The following KCNMA1 variants were observed in gnomAD, a reference collection of about 807,000 sequenced individuals.
KCNMA1 encodes potassium calcium-activated channel subfamily M alpha 1.
Under a neutral mutation model 140.0 loss-of-function variants are expected in KCNMA1, and 29 were observed. That is an observed-to-expected ratio of 0.21 (90% CI 0.15 to 0.28). The LOEUF (loss-of-function observed/expected upper bound fraction) is 0.28. Among genes scored for constraint, KCNMA1 ranks in the 10% least tolerant of loss-of-function variants. The pLI is 1.00. For missense variants in KCNMA1, 880 were observed against 1,602.2 expected (o/e 0.55, Z 7.70); for synonymous variants, 612 against 611.9 (o/e 1.00, Z 0.00).
chr10:77,363,756 CCCGTCTTTGT>C (rs1211836109), intron 2 of KCNMA1, among the ~76,000 whole-genome samples: 1 of 152,126 alleles, frequency 6.6e-6, no homozygotes, highest in Non-Finnish European at 1.5e-5. Flanking sequence ...TACACTCCTC[CCCGTCTTTGT>C]CCAGTTAATT....
At chr10:76,879,222 A>G (rs905192781) in intron 29 of KCNMA1, among the ~76,000 whole-genome samples, 24 of 152,098 alleles carry the variant, frequency 1.6e-4, no homozygotes, top group Non-Finnish European at 3.2e-4. Context: ...TGAGCTGTCA[A>G]TGTCGAGGAG....
At chr10:77,287,375 C>G (rs1351088692) in intron 2 of KCNMA1, among the ~76,000 whole-genome samples, 1 of 152,198 alleles carries the variant, frequency 6.6e-6, no homozygotes, top group African/African-American at 2.4e-5. Flanking sequence ...GACTATCTAC[C>G]TACACAAAGA....
rs545169803 is a variant in KCNMA1 at position 77,417,768 on chromosome 10, G to A, written c.379-13745C>T. ...CTGAACTTGGATGGGGCTTGGCTTC[G>A]GGTCAAAAGAGCTGTCCCAATTAGG... On this transcript the variant is annotated intron_variant, in intron 1 of 27. Transcript: ENST00000286628. 4.6e-5 allele frequency among the ~76,000 whole-genome samples: 7 copies of A among 152,178 alleles called. No individual in the cohort carries two copies. The South Asian group carries it at 1.0e-3, about 23-fold the overall frequency.
intron 3 of KCNMA1, chr10:77,217,492 G>A (rs758294921): frequency 4.4e-6 from 2 of 456,608 alleles, no homozygotes; most frequent in South Asian, 3.1e-5. Flanking sequence ...CATTTCTGGA[G>A]AATATTCTTG....
At chr10:76,999,476 G>T (rs2085476455) in intron 19 of KCNMA1, among the ~76,000 whole-genome samples, 1 of 152,184 alleles carries the variant, frequency 6.6e-6, no homozygotes, top group African/African-American at 2.4e-5. Context: ...ACCACCATCA[G>T]TCAAAGAGAT....
intron 5 of KCNMA1, among the ~76,000 whole-genome samples, chr10:77,140,932 G>T (rs1005046538): frequency 7.2e-5 from 11 of 152,172 alleles, no homozygotes; most frequent in African/African-American, 2.4e-4. Context: ...AATAGAGTGT[G>T]AGAGAGGCTG....
At chr10:77,372,627 G>T (rs2094818748) in intron 2 of KCNMA1, among the ~76,000 whole-genome samples, 1 of 152,204 alleles carries the variant, frequency 6.6e-6, no homozygotes, top group South Asian at 2.1e-4. Context: ...TGGATGCCAA[G>T]GTCTTCCGGA....
At position 76,887,135 on chromosome 10, in the gene KCNMA1, A is replaced by T; in HGVS notation, c.*131T>A. On this transcript the variant is annotated 3_prime_UTR_variant, in exon 28 of 28. Transcript: ENST00000286628. ...ATGACAACCACATGCACACTATCAT[A>T]CATATGCAAATATGTGTAAAAAAAA... 1 of 1,603,766 alleles carries T rather than the reference A, an allele frequency of 6.2e-7. No homozygotes were observed. The highest frequency in any genetic ancestry group is 8.5e-7 in the Non-Finnish European group (1 of 1,178,308).
At chr10:77,285,506 G>A (rs1361369985) in intron 2 of KCNMA1, among the ~76,000 whole-genome samples, 1 of 152,166 alleles carries the variant, frequency 6.6e-6, no homozygotes, top group East Asian at 1.9e-4. Context: ...CACTGAAACA[G>A]GTGAAAATTA....
chr10:77,603,715 A>G (rs1016822874), intron 1 of KCNMA1, among the ~76,000 whole-genome samples: 5 of 152,080 alleles, frequency 3.3e-5, no homozygotes, highest in Non-Finnish European at 5.9e-5. Context: ...CCCACACCCC[A>G]CAACCCAGCC....
intron 5 of KCNMA1, chr10:77,140,631 T>C (rs2098143189): frequency 6.6e-6 from 1 of 152,368 alleles, no homozygotes; most frequent in South Asian, 2.1e-4. Flanking sequence ...GGTCCTCCTG[T>C]CCAGCGCAGT....
intron 12 of KCNMA1, among the ~76,000 whole-genome samples, chr10:77,081,693 G>T (rs1030491621): frequency 6.6e-6 from 1 of 152,092 alleles, no homozygotes; most frequent in South Asian, 2.1e-4. Flanking sequence ...TTTTATTTTT[G>T]AAAAAGTGTT....
chr10:77,083,607 C>T (rs916769455), intron 12 of KCNMA1, among the ~76,000 whole-genome samples: 1 of 151,064 alleles, frequency 6.6e-6, no homozygotes, highest in Non-Finnish European at 1.5e-5. Flanking sequence ...GGGAGGATCA[C>T]TTGAGGTTAG....
chr10:77,559,808 A>G (rs1330880214), intron 1 of KCNMA1, among the ~76,000 whole-genome samples: 1 of 152,140 alleles, frequency 6.6e-6, no homozygotes, highest in Non-Finnish European at 1.5e-5. Flanking sequence ...ACTGTTCTCT[A>G]TATTCCTGGC....
intron 16 of KCNMA1, among the ~76,000 whole-genome samples, chr10:77,026,935 G>T (rs2093508902): frequency 6.6e-6 from 1 of 152,194 alleles, no homozygotes; most frequent in African/African-American, 2.4e-5. Flanking sequence ...TAAGGTGTTT[G>T]TTGGAGGGGA....
At chr10:77,473,983 C>A (rs2098223605) in intron 1 of KCNMA1, among the ~76,000 whole-genome samples, 1 of 152,218 alleles carries the variant, frequency 6.6e-6, no homozygotes, top group African/African-American at 2.4e-5. Flanking sequence ...CTCCGCCTCA[C>A]CCAGGGCCGG....
chr10:77,226,617 C>G (rs2051515352), intron 3 of KCNMA1, among the ~76,000 whole-genome samples: 1 of 152,138 alleles, frequency 6.6e-6, no homozygotes, highest in East Asian at 1.9e-4. Context: ...GATAGCCTGT[C>G]GAAAACAATC....
chr10:77,083,446 G>A (rs2153748770), intron 12 of KCNMA1, among the ~76,000 whole-genome samples: 1 of 146,692 alleles, frequency 6.8e-6, no homozygotes, highest in Non-Finnish European at 1.5e-5. Context: ...CCTAACCCTT[G>A]TGCACAAAAA....
At chr10:77,401,930 C>A (rs183798412) in intron 2 of KCNMA1, among the ~76,000 whole-genome samples, 12 of 152,312 alleles carry the variant, frequency 7.9e-5, no homozygotes, top group African/African-American at 2.9e-4. Context: ...GCATATGGTG[C>A]AATAGAATCA....
Sources: gnomAD v4.1 joint callset for allele counts (sites outside exome capture counted in the v4.1 genomes callset) on GRCh38, gnomAD v4.1.1 for gene constraint, MANE v1.5 for transcripts, NCBI Gene and HGNC (gene_info 2026-07-23, HGNC 2026-07-21) for gene names.